Variants in AR observed in about 807,000 individuals in gnomAD.
The protein encoded by AR is androgen receptor.
AR carries 8 observed loss-of-function variants against 53.9 expected under a neutral mutation model. The ratio of observed to expected loss-of-function variants is 0.15; its 90% CI spans 0.09 to 0.27. The LOEUF (loss-of-function observed/expected upper bound fraction) is 0.27. AR is among the 10% of genes least tolerant of loss of function. The pLI, the probability that AR is intolerant of heterozygous loss-of-function variation, is 1.00. For missense variants in AR, 639 were observed against 742.5 expected, an observed-to-expected ratio of 0.86 and a Z score of 1.62; for synonymous variants, 359 against 316.4, an observed-to-expected ratio of 1.13 and a Z score of -1.43.
intron 2 of AR, among the ~76,000 whole-genome samples, chrX:67,685,685 T>A (rs1344346024): frequency 1.8e-5 from 2 of 111,544 alleles, no homozygotes; most frequent in African/African-American, 6.5e-5. Flanking sequence ...AATGGATCAT[T>A]TTCTCATGGG....
intron 3 of AR, among the ~76,000 whole-genome samples, chrX:67,708,471 C>T (rs769453372): frequency 2.7e-5 from 3 of 112,015 alleles, no homozygotes; most frequent in East Asian, 2.8e-4. Context: ...ATATAGTTCT[C>T]GTGCCATGGT....
intron 3 of AR, among the ~76,000 whole-genome samples, chrX:67,706,675 C>A (rs1199845418): frequency 9.0e-6 from 1 of 111,343 alleles, no homozygotes; most frequent in African/African-American, 3.3e-5. Context: ...TTGGTTATTT[C>A]TTGCCTTCTG....
At position 67,725,221 on chromosome X, in the gene AR, A is replaced by G; in HGVS notation, c.*1380A>G. 1 of 175,355 alleles carries G rather than the reference A, an allele frequency of 5.7e-6. No homozygotes were observed. The highest frequency in any genetic ancestry group is 1.1e-5 in the Non-Finnish European group (1 of 91,467). 14.5% of individuals were successfully genotyped at this position (175,355 alleles called of 1,213,427 possible). A position where few individuals can be genotyped will look rare whatever the true frequency, so the allele number is the denominator to read the frequency against. On this transcript the variant is annotated 3_prime_UTR_variant, in exon 8 of 8. Coordinates refer to ENST00000374690, the MANE Select transcript of AR (RefSeq NM_000044.6). Reference sequence around the variant, plus strand: ...AGCCCCCACCACCAAGAAGGTTAGCAGGCCAACAGCTCTGACATCTATCTG... The same window carrying G: ...AGCCCCCACCACCAAGAAGGTTAGCGGGCCAACAGCTCTGACATCTATCTG...
In AR at chrX:67,725,872, C is replaced by A. The variant is rs746471352; in HGVS notation, c.*2031C>A. 2 of 174,062 alleles carry A rather than the reference C, an allele frequency of 1.1e-5. No individual in the cohort carries two copies. Among genetic ancestry groups the A allele is most frequent in the South Asian group, 6.4e-4 (2 of 3,144 alleles). 14.3% of individuals were successfully genotyped at this position (174,062 alleles called of 1,213,427 possible). A position where few individuals can be genotyped will look rare whatever the true frequency, so the allele number is the denominator to read the frequency against. On this transcript the variant is annotated 3_prime_UTR_variant, in exon 8 of 8. Coordinates refer to ENST00000374690, the MANE Select transcript of AR (RefSeq NM_000044.6). ...ACTGGTTTTATATAGTCTTTTGGCA[C>A]ACCTGTGTTCTGTTGACTTCGTTCT...
intron 1 of AR, among the ~76,000 whole-genome samples, chrX:67,638,663 G>A (rs966436344): frequency 4.5e-5 from 5 of 111,701 alleles, no homozygotes; most frequent in Non-Finnish European, 9.4e-5. Flanking sequence ...ACTTTTTGAT[G>A]GGGTTGTTTG....
intron 7 of AR, among the ~76,000 whole-genome samples, chrX:67,723,345 T>TGTGTGA (rs1569316251): frequency 3.9e-5 from 4 of 102,121 alleles, no homozygotes; most frequent in African/African-American, 1.5e-4. Flanking sequence ...TGTGTGTGTG[T>TGTGTGA]GTGTGTGTCA....
intron 1 of AR, among the ~76,000 whole-genome samples, chrX:67,564,235 A>AT (rs1461127494): frequency 9.0e-6 from 1 of 111,713 alleles, no homozygotes; most frequent in African/African-American, 3.3e-5. Context: ...ATTTAAGAGC[A>AT]GGCTGGCATA....
chrX:67,611,619 G>A (rs2046194650), intron 1 of AR, among the ~76,000 whole-genome samples: 1 of 111,201 alleles, frequency 9.0e-6, no homozygotes, highest in South Asian at 3.8e-4. Context: ...ATGCTTCAAA[G>A]GTCTTTCTAG....
At chrX:67,648,675 A>G (rs906618110) in intron 2 of AR, among the ~76,000 whole-genome samples, 3 of 112,229 alleles carry the variant, frequency 2.7e-5, no homozygotes, top group African/African-American at 6.5e-5. Flanking sequence ...AGAATTTGCC[A>G]TTGCTGCTTC....
At chrX:67,693,598 G>T (rs780158996) in intron 3 of AR, among the ~76,000 whole-genome samples, 13 of 111,769 alleles carry the variant, frequency 1.2e-4, no homozygotes, top group African/African-American at 4.2e-4. Flanking sequence ...CTGCTTTTTG[G>T]AGACATTTGC....
chrX:67,629,588 C>T (rs1255482424), intron 1 of AR, among the ~76,000 whole-genome samples: 1 of 110,053 alleles, frequency 9.1e-6, no homozygotes, highest in African/African-American at 3.3e-5. Context: ...CAAAAAACCA[C>T]CTCCTGGATT....
rs2147320721 is a variant in AR, at chrX:67,546,346, G to A, written c.1200G>A (p.Ala400=). The part of the protein sequence containing the change: ...ENPLDYGSAW[A]AAAAQCRYGD... ...CGCTGGACTACGGCAGCGCCTGGGC[G>A]GCTGCGGCGGCGCAGTGCCGCTATG... is the stretch of plus-strand genomic sequence containing the variant. The change falls in exon 1 of 8, where the codon GCG becomes GCA. Residue 400 remains alanine, a synonymous_variant. Transcript: ENST00000374690. 8.4e-7 allele frequency: 1 copy of A among 1,187,409 alleles called. No individual in the cohort carries two copies. The highest frequency in any genetic ancestry group is 1.1e-6 in the Non-Finnish European group (1 of 884,114).
chrX:67,572,581 A>T (rs1453381022), intron 1 of AR, among the ~76,000 whole-genome samples: 1 of 111,817 alleles, frequency 8.9e-6, no homozygotes, highest in African/African-American at 3.2e-5. Flanking sequence ...ATAATATTAG[A>T]TTTGAAAATT....
chrX:67,723,354 CAGAGAG>C (rs373151625), intron 7 of AR, among the ~76,000 whole-genome samples: 9 of 49,051 alleles, frequency 1.8e-4, no homozygotes, highest in African/African-American at 6.4e-4. Context: ...GTGTGTGTGT[CAGAGAG>C]AGAGAGAGAG....
chrX:67,585,527 A>G (rs1922501646), intron 1 of AR, among the ~76,000 whole-genome samples: 1 of 112,078 alleles, frequency 8.9e-6, no homozygotes, highest in African/African-American at 3.2e-5. Context: ...AGGTCTGTTC[A>G]TTGCCCATGT....
intron 2 of AR, among the ~76,000 whole-genome samples, chrX:67,679,912 A>T (rs1344325565): frequency 1.8e-5 from 2 of 111,798 alleles, no homozygotes; most frequent in Non-Finnish European, 3.8e-5. Context: ...ATGTTTTCTA[A>T]TGAAATTTAT....
chrX:67,701,969 C>A lies in AR; in HGVS notation c.1886-9433C>A, dbSNP rs981802377. ...AAGAAGGGAGGCAGGGATGATATAA[C>A]CCCAGCCCCACTCCTCAACTCTGCT... On this transcript the variant is annotated intron_variant, in intron 3 of 7. Transcript: ENST00000374690. 4.5e-5 allele frequency among the ~76,000 whole-genome samples: 5 copies of A among 110,776 alleles called. No individual in the cohort carries two copies. In the East Asian group the frequency reaches 1.4e-3, roughly 32 times the overall value.
chrX:67,713,983 A>G (rs1288200931), intron 4 of AR, among the ~76,000 whole-genome samples: 1 of 112,549 alleles, frequency 8.9e-6, no homozygotes, highest in East Asian at 2.8e-4. Flanking sequence ...AATTCAATAG[A>G]TTGAGTTCTT....
chrX:67,580,613 C>T (rs1231183409), intron 1 of AR, among the ~76,000 whole-genome samples: 5 of 111,583 alleles, frequency 4.5e-5, no homozygotes, highest in Non-Finnish European at 9.4e-5. Context: ...GTCTTTCTGA[C>T]TCTTCAGATC....
Sources: allele counts gnomAD v4.1 joint callset (sites outside exome capture counted in the v4.1 genomes callset), GRCh38; gene constraint gnomAD v4.1.1; transcripts MANE v1.5; gene names NCBI Gene and HGNC (gene_info 2026-07-23, HGNC 2026-07-21).